Variants in EPHA5 observed in about 807,000 individuals in gnomAD.
EPHA5 encodes the protein EPH receptor A5, also known as ephrin type-A receptor 5.
Under a neutral mutation model 105.0 loss-of-function variants are expected in EPHA5, and 60 were observed. The observed-to-expected ratio is 0.57, with a 90% CI of 0.46 to 0.71. The LOEUF is 0.71. Among genes scored for constraint, EPHA5 ranks in the 30% least tolerant of loss-of-function variants. The pLI, the probability that EPHA5 is intolerant of heterozygous loss-of-function variation, is 0.00. For synonymous variants in EPHA5, 513 were observed against 449.1 expected (o/e 1.14, Z -1.80); for missense variants, 1,218 against 1,274.7 (o/e 0.96, Z 0.68).
At chr4:65,534,439 A>G (rs188563401) in intron 3 of EPHA5, among the ~76,000 whole-genome samples, 107 of 152,330 alleles carry the variant, frequency 7.0e-4, no homozygotes, top group African/African-American at 2.6e-3. Context: ...CTGCAATAAC[A>G]TACAAACAAA....
chr4:65,366,830 A>G (rs938626565), intron 9 of EPHA5, among the ~76,000 whole-genome samples: 2 of 151,916 alleles, frequency 1.3e-5, no homozygotes, highest in South Asian at 4.1e-4. Flanking sequence ...AATTCAACTC[A>G]TTTAGGCTAG....
At chr4:65,628,222 A>C (rs556695515) in intron 2 of EPHA5, among the ~76,000 whole-genome samples, 1 of 152,218 alleles carries the variant, frequency 6.6e-6, no homozygotes, top group African/African-American at 2.4e-5. Context: ...TAAATCTTCC[A>C]TCTGAAAATG....
At chr4:65,638,398 G>A (rs1747342687) in intron 2 of EPHA5, among the ~76,000 whole-genome samples, 1 of 152,066 alleles carries the variant, frequency 6.6e-6, no homozygotes, top group African/African-American at 2.4e-5. Context: ...GGTAGCATAA[G>A]AGAAAAAACA....
chr4:65,419,138 C>G (rs1723693799), intron 6 of EPHA5, among the ~76,000 whole-genome samples: 1 of 151,960 alleles, frequency 6.6e-6, no homozygotes, highest in African/African-American at 2.4e-5. Context: ...CCCGCCTCAG[C>G]CTTCCAAAGT....
chr4:65,501,614 C>T (rs2149241983), intron 3 of EPHA5, among the ~76,000 whole-genome samples: 1 of 151,732 alleles, frequency 6.6e-6, no homozygotes, highest in Non-Finnish European at 1.5e-5. Context: ...GTGACACAAA[C>T]AAATGGAAAA....
At chr4:65,573,987 A>T (rs1740520538) in intron 3 of EPHA5, 3 of 1,593,394 alleles carry the variant, frequency 1.9e-6, no homozygotes, top group Admixed American at 1.7e-5. Context: ...ATTACTTGTG[A>T]CTGGACCTCT....
At chr4:65,665,406 G>A (rs985863742) in intron 1 of EPHA5, among the ~76,000 whole-genome samples, 2 of 151,824 alleles carry the variant, frequency 1.3e-5, no homozygotes, top group African/African-American at 4.8e-5. Context: ...TAAAAAGTTT[G>A]GAAATGTTTG....
chr4:65,581,960 G>A (rs1178549316), intron 3 of EPHA5, among the ~76,000 whole-genome samples: 2 of 151,732 alleles, frequency 1.3e-5, no homozygotes, highest in Non-Finnish European at 3.0e-5. Flanking sequence ...TTTTAATAAT[G>A]TGAACATTTT....
chr4:65,416,005 T>C (rs1723348888), intron 6 of EPHA5, among the ~76,000 whole-genome samples: 1 of 152,074 alleles, frequency 6.6e-6, no homozygotes, highest in South Asian at 2.1e-4. Flanking sequence ...AAAAATATTA[T>C]TTTCCCATAT....
intron 3 of EPHA5, among the ~76,000 whole-genome samples, chr4:65,535,564 G>A (rs967927346): frequency 3.3e-5 from 5 of 151,808 alleles, no homozygotes; most frequent in Non-Finnish European, 7.4e-5. Flanking sequence ...AATTTTTAAG[G>A]CAATTTATTA....
At chr4:65,581,196 A>G (rs1041237990) in intron 3 of EPHA5, among the ~76,000 whole-genome samples, 9 of 151,756 alleles carry the variant, frequency 5.9e-5, no homozygotes, top group African/African-American at 1.9e-4. Flanking sequence ...CTCTAAAAGT[A>G]TATTGTTCTT....
chr4:65,388,485 T>C (rs1398667035), intron 8 of EPHA5, among the ~76,000 whole-genome samples: 3 of 150,736 alleles, frequency 2.0e-5, no homozygotes, highest in Non-Finnish European at 4.4e-5. Context: ...ACCTGTTGTT[T>C]CCTGACTTTT....
intron 3 of EPHA5, among the ~76,000 whole-genome samples, chr4:65,557,013 A>T (rs1738512762): frequency 6.6e-6 from 1 of 151,836 alleles, no homozygotes; most frequent in East Asian, 1.9e-4. Context: ...TTATTCGGAC[A>T]ATTACAGGAC....
At chr4:65,480,082 A>G (rs1172929096) in intron 5 of EPHA5, among the ~76,000 whole-genome samples, 7 of 152,248 alleles carry the variant, frequency 4.6e-5, no homozygotes, top group Admixed American at 4.6e-4. Context: ...AACAAAAAAC[A>G]CAAGAATACA....
At chr4:65,638,792 T>A (rs1747386894) in intron 2 of EPHA5, among the ~76,000 whole-genome samples, 1 of 151,946 alleles carries the variant, frequency 6.6e-6, no homozygotes, top group African/African-American at 2.4e-5. Context: ...AGCAATAGGG[T>A]TAAGTTATAT....
At chr4:65,365,543 T>C (rs2148890249) in intron 10 of EPHA5, among the ~76,000 whole-genome samples, 1 of 148,712 alleles carries the variant, frequency 6.7e-6, no homozygotes, top group African/African-American at 2.4e-5. Flanking sequence ...ACCGTAGTAG[T>C]AATAAGAAGA....
chr4:65,425,213 T>C (rs950499711), intron 5 of EPHA5, among the ~76,000 whole-genome samples: 1 of 152,080 alleles, frequency 6.6e-6, no homozygotes, highest in Non-Finnish European at 1.5e-5. Flanking sequence ...CCAACTGAAG[T>C]CCCTACACGT....
chr4:65,445,951 T>A (rs1726477806), intron 5 of EPHA5, among the ~76,000 whole-genome samples: 1 of 152,162 alleles, frequency 6.6e-6, no homozygotes, highest in Non-Finnish European at 1.5e-5. Context: ...ATCTCCTTTG[T>A]CACCAGTGTC....
chr4:65,653,647 C>CTAGTA (rs1748804404), intron 1 of EPHA5, among the ~76,000 whole-genome samples: 2 of 151,838 alleles, frequency 1.3e-5, no homozygotes, highest in African/African-American at 4.8e-5. Context: ...TCTAGTTAGC[C>CTAGTA]TAGTACATAT....
Sources: gnomAD v4.1 joint callset for allele counts (sites outside exome capture counted in the v4.1 genomes callset) on GRCh38, gnomAD v4.1.1 for gene constraint, MANE v1.5 for transcripts, NCBI Gene and HGNC (gene_info 2026-07-23, HGNC 2026-07-21) for gene names.